The following PRIMA1 variants were observed in gnomAD, a reference collection of about 807,000 sequenced individuals.
The protein encoded by PRIMA1 is proline rich membrane anchor 1.
Under a neutral mutation model 17.5 loss-of-function variants are expected in PRIMA1, and 7 were observed. The ratio of observed to expected loss-of-function variants is 0.40; its 90% CI spans 0.23 to 0.75. The LOEUF (loss-of-function observed/expected upper bound fraction) is 0.75, where lower values mean the gene tolerates loss of function less well. Ranked by LOEUF, PRIMA1 falls within the 30% of genes least tolerant of loss-of-function variation. PRIMA1 has a pLI of 0.37. For missense variants in PRIMA1, 200 were observed against 201.8 expected, an observed-to-expected ratio of 0.99 and a Z score of 0.05; for synonymous variants, 97 against 77.9, an observed-to-expected ratio of 1.25 and a Z score of -1.29.
In PRIMA1 at chr14:93,761,321, A is replaced by G. The variant is rs1193220191; in HGVS notation, c.229+17855T>C. Among the ~76,000 whole-genome samples, 5 of 152,110 alleles carry G rather than the reference A, an allele frequency of 3.3e-5. No individual in the cohort carries two copies. In the South Asian group the frequency reaches 8.3e-4, roughly 25 times the overall value. On this transcript the variant is annotated intron_variant, in intron 3 of 4. Transcript: ENST00000393140. ...AGCGGAGATTGTGCCACTGCACTCC[A>G]CCTTGGGCAACAGAGCGAGACTCTG...
At chr14:93,774,676 C>A (rs1178964862) in intron 3 of PRIMA1, among the ~76,000 whole-genome samples, 1 of 152,198 alleles carries the variant, frequency 6.6e-6, no homozygotes, top group Non-Finnish European at 1.5e-5. Flanking sequence ...CTTCCCAAAT[C>A]CGTCCTCCCT....
intron 3 of PRIMA1, among the ~76,000 whole-genome samples, chr14:93,776,923 TAA>T (rs1054847340): frequency 6.6e-6 from 1 of 152,260 alleles, no homozygotes; most frequent in African/African-American, 2.4e-5. Context: ...GCTGGAATTT[TAA>T]AAGCTTGGTT....
chr14:93,735,881 G>A (rs560141104), intron 4 of PRIMA1, among the ~76,000 whole-genome samples: 1 of 152,030 alleles, frequency 6.6e-6, no homozygotes, highest in Non-Finnish European at 1.5e-5. Context: ...TAGAGACGGG[G>A]TTTCACCATG....
chr14:93,760,373 G>A (rs2076319468), intron 3 of PRIMA1, among the ~76,000 whole-genome samples: 2 of 152,166 alleles, frequency 1.3e-5, no homozygotes, highest in Non-Finnish European at 2.9e-5. Context: ...CCCTAAGTGG[G>A]ACTGTACTGA....
intron 3 of PRIMA1, among the ~76,000 whole-genome samples, chr14:93,741,268 A>C (rs1305971637): frequency 2.0e-5 from 3 of 152,214 alleles, no homozygotes; most frequent in African/African-American, 7.2e-5. Flanking sequence ...ATTTCAGAAA[A>C]GAGAATACAA....
intron 3 of PRIMA1, among the ~76,000 whole-genome samples, chr14:93,748,849 T>C (rs1027959796): frequency 1.3e-5 from 2 of 152,028 alleles, no homozygotes; most frequent in African/African-American, 4.8e-5. Flanking sequence ...CCATCATTCC[T>C]GTGCCTAATT....
In PRIMA1 at chr14:93,719,063, G is replaced by A. The variant is rs545682242; in HGVS notation, c.*2381C>T. 3.3e-5 allele frequency: 5 copies of A among 152,250 alleles called. No homozygotes were observed. The highest frequency in any genetic ancestry group is 1.2e-4 in the African/African-American group (5 of 41,522). The allele number at this position is 152,250 out of a possible 1,614,324, so 9.4% of individuals were successfully genotyped here. ...TTTGAATGGGCGGTCTTGGGCTTGAGGTGGGGGGTGGATATTAAGTGAATC... is the reference window on the plus strand; with the variant it reads ...TTTGAATGGGCGGTCTTGGGCTTGAAGTGGGGGGTGGATATTAAGTGAATC... On this transcript the variant is annotated 3_prime_UTR_variant, in exon 5 of 5. Coordinates refer to ENST00000393140, the MANE Select transcript of PRIMA1 (RefSeq NM_178013.4).
upstream of PRIMA1, among the ~76,000 whole-genome samples, chr14:93,788,908 A>G (rs1040033773): frequency 7.2e-5 from 11 of 151,758 alleles, no homozygotes; most frequent in East Asian, 2.2e-3. Context: ...TGCCCGGGGC[A>G]CTGGGGTGCC....
At chr14:93,735,692 CTT>C (rs11288194) in intron 4 of PRIMA1, among the ~76,000 whole-genome samples, 2,551 of 124,574 alleles carry the variant, frequency 0.02, 66 homozygotes, top group East Asian at 0.13. Flanking sequence ...TTCTTTCTTC[CTT>C]TTTTTTTTTT....
intron 2 of PRIMA1, among the ~76,000 whole-genome samples, chr14:93,787,351 A>T (rs1885553111): frequency 6.6e-6 from 1 of 152,236 alleles, no homozygotes; most frequent in Non-Finnish European, 1.5e-5. Context: ...TTTCTGCCCT[A>T]GAATGTTATC....
chr14:93,757,845 T>C (rs2076301064), intron 3 of PRIMA1, among the ~76,000 whole-genome samples: 1 of 152,244 alleles, frequency 6.6e-6, no homozygotes, highest in Admixed American at 6.5e-5. Context: ...GGCCAAGAAC[T>C]TGAAGAGAAC....
At chr14:93,753,873 C>T (rs1397599975) in intron 3 of PRIMA1, among the ~76,000 whole-genome samples, 1 of 152,164 alleles carries the variant, frequency 6.6e-6, no homozygotes, top group African/African-American at 2.4e-5. Flanking sequence ...ACAATGTGAA[C>T]CAGGAACTGC....
intron 3 of PRIMA1, among the ~76,000 whole-genome samples, chr14:93,747,647 T>C (rs113805747): frequency 1.2e-4 from 17 of 140,168 alleles, no homozygotes; most frequent in African/African-American, 4.6e-4. Context: ...ATGGGAGTAT[T>C]GTGTATGAGT....
chr14:93,727,076 C>T (rs528381068), intron 4 of PRIMA1, among the ~76,000 whole-genome samples: 9 of 152,302 alleles, frequency 5.9e-5, no homozygotes, highest in Admixed American at 3.3e-4. Context: ...AGCAGCCCCA[C>T]GTCCAGCCTC....
intron 3 of PRIMA1, among the ~76,000 whole-genome samples, chr14:93,745,295 C>T (rs1214409394): frequency 2.6e-5 from 4 of 152,198 alleles, no homozygotes; most frequent in Admixed American, 6.5e-5. Context: ...GCCACCAGGA[C>T]GGTCTCAGGG....
chr14:93,737,235 A>T lies in PRIMA1; in HGVS notation c.359+6T>A, dbSNP rs371216163. On this transcript the variant is annotated splice_donor_region_variant and intron_variant, in intron 4 of 4. Transcript: ENST00000393140. Reference sequence around the variant, plus strand: ...TTGAAGCTGGGTGCAGTGAGTGAGCACTCACCTTTTTATGGCTTTGTAGCA... The same window carrying T: ...TTGAAGCTGGGTGCAGTGAGTGAGCTCTCACCTTTTTATGGCTTTGTAGCA... The T allele has an allele frequency of 1.2e-6, 2 of 1,614,020 alleles. No individual in the cohort carries two copies. The highest frequency in any genetic ancestry group is 1.7e-6 in the Non-Finnish European group (2 of 1,179,982).
At chr14:93,753,782 C>A (rs545560105) in intron 3 of PRIMA1, among the ~76,000 whole-genome samples, 6 of 152,272 alleles carry the variant, frequency 3.9e-5, no homozygotes, top group Admixed American at 2.6e-4. Flanking sequence ...TGTAGGTGAG[C>A]AGGGCAACTT....
At chr14:93,745,700 C>T (rs918627979) in intron 3 of PRIMA1, among the ~76,000 whole-genome samples, 13 of 152,240 alleles carry the variant, frequency 8.5e-5, no homozygotes, top group African/African-American at 2.9e-4. Context: ...TGTGCTGGGT[C>T]TGCTGGGTTA....
Position 93,737,387 on chromosome 14 carries a change from C to T in PRIMA1, c.230-17G>A. The T allele has an allele frequency of 6.2e-7, 1 of 1,612,034 alleles. No individual in the cohort carries two copies. The highest frequency in any genetic ancestry group is 8.5e-7 in the Non-Finnish European group (1 of 1,179,028). ...AGTTGGGAGCTGAAAAAGACAGGAG[C>T]AGCCTGAGTGTCACCTGGATGAGCT... On this transcript the variant is annotated splice_polypyrimidine_tract_variant and intron_variant, in intron 3 of 4. Transcript: ENST00000393140.
Sources: gnomAD v4.1 joint callset for allele counts (sites outside exome capture counted in the v4.1 genomes callset) on GRCh38, gnomAD v4.1.1 for gene constraint, MANE v1.5 for transcripts, NCBI Gene and HGNC (gene_info 2026-07-23, HGNC 2026-07-21) for gene names.